G6PC1: variants seen among roughly 807,000 people sequenced by gnomAD.
G6PC1 encodes glucose-6-phosphatase catalytic subunit 1.
A neutral mutation model predicts 30.4 loss-of-function variants in G6PC1; 23 were observed. The ratio of observed to expected loss-of-function variants is 0.76; its 90% CI spans 0.55 to 1.07. G6PC1 has a LOEUF of 1.07. G6PC1 is among the 50% of genes least tolerant of loss of function. G6PC1 has a pLI of 0.00. For missense variants in G6PC1, 391 were observed against 433.9 expected (o/e 0.90, Z 0.88); for synonymous variants, 163 against 175.6 (o/e 0.93, Z 0.57).
Position 42,904,048 on chromosome 17 carries a change from TC to T in G6PC1, c.340+11del. The T allele has an allele frequency of 6.3e-7, 1 of 1,580,006 alleles. No individual in the cohort carries two copies. The highest frequency in any genetic ancestry group is 8.7e-7 in the Non-Finnish European group (1 of 1,148,914). ...CCTGTGAGACTGGACCAGGTAAGCG[TC>T]CCAGCCCCTGCAGACAGAAGCTGAG... On this transcript the variant is annotated intron_variant, in intron 2 of 4. Transcript: ENST00000253801.
chr17:42,911,659 C>A lies in G6PC1; in HGVS notation c.*233C>A. The A allele has an allele frequency of 3.4e-6, 2 of 592,564 alleles. No individual in the cohort carries two copies. The highest frequency in any genetic ancestry group is 5.9e-6 in the Non-Finnish European group (2 of 337,084). 36.7% of individuals were successfully genotyped at this position (592,564 alleles called of 1,614,324 possible). On this transcript the variant is annotated 3_prime_UTR_variant, in exon 5 of 5. Coordinates refer to ENST00000253801, the MANE Select transcript of G6PC1 (RefSeq NM_000151.4). ...AGATGGAGGTGCCATATCACGTACA[C>A]CATATGCAAGTTTCCCGCCAGGAGG...
In G6PC1 at chr17:42,903,968, G is replaced by A; in HGVS notation, c.268G>A (p.Asp90Asn). ...FGQRPYWWVL[D>N]TDYYSNTSVP... ...ACAGCGTCCATACTGGTGGGTTTTGGATACTGACTACTACAGCAACACTTC... is the reference window on the plus strand; with the variant it reads ...ACAGCGTCCATACTGGTGGGTTTTGAATACTGACTACTACAGCAACACTTC... Residue 90 changes from aspartate to asparagine, a missense_variant, in exon 2 of 5, where the codon GAT becomes AAT. Transcript: ENST00000253801. 1 of 1,614,010 alleles carries A rather than the reference G, an allele frequency of 6.2e-7. No individual in the cohort carries two copies. The highest frequency in any genetic ancestry group is 8.5e-7 in the Non-Finnish European group (1 of 1,179,918).
At chr17:42,908,266 C>G (rs749611882) in intron 3 of G6PC1, among the ~76,000 whole-genome samples, 5 of 152,080 alleles carry the variant, frequency 3.3e-5, no homozygotes, top group Admixed American at 6.6e-5. Context: ...TGATCTCAAG[C>G]AATTGGCTTG....
rs201423586 is a variant in G6PC1 at position 42,900,854 on chromosome 17, C to T, written c.-23C>T. ...ACTGCAAGGGCTCTGCTGACATCTTCCTGAGGTGCCAAGGAAATGAGGATG... is the reference window on the plus strand; with the variant it reads ...ACTGCAAGGGCTCTGCTGACATCTTTCTGAGGTGCCAAGGAAATGAGGATG... On this transcript the variant is annotated 5_prime_UTR_variant, in exon 1 of 5. Transcript: ENST00000253801. 6 of 1,597,512 alleles carry T rather than the reference C, an allele frequency of 3.8e-6. No individual in the cohort carries two copies. In the African/African-American group the frequency reaches 8.0e-5, roughly 21 times the overall value.
intron 3 of G6PC1, 76 bp downstream of exon 3, chr17:42,907,704 C>A: frequency 3.0e-6 from 3 of 998,594 alleles, no homozygotes; most frequent in Non-Finnish European, 4.7e-6. Flanking sequence ...ACCACGTATT[C>A]TTCCTCACAT....
At chr17:42,904,428 G>A (rs1274675907) in intron 2 of G6PC1, among the ~76,000 whole-genome samples, 1 of 152,116 alleles carries the variant, frequency 6.6e-6, no homozygotes, top group African/African-American at 2.4e-5. Flanking sequence ...CTGTGCCTAC[G>A]TTTTATTAGT....
Position 42,911,166 on chromosome 17 carries a change from G to T in G6PC1, c.814G>T (p.Gly272Trp). Residue 272 changes from glycine to tryptophan, a missense_variant, in exon 5 of 5, where the codon GGG (glycine) becomes TGG (tryptophan). Gly to Trp is a radical substitution (Grantham distance 184, BLOSUM62 -2). Coordinates refer to ENST00000253801, the MANE Select transcript of G6PC1 (RefSeq NM_000151.4). ...GAACCTGGGCACGCTCTTTGGCCTG[G>T]GGCTGGCTCTCAACTCCAGCATGTA... ...LKNLGTLFGL[G>W]LALNSSMYRE... The T allele has an allele frequency of 6.2e-7, 1 of 1,614,068 alleles. No individual in the cohort carries two copies. Among genetic ancestry groups the T allele is most frequent in the East Asian group, 2.2e-5 (1 of 44,872 alleles).
At chr17:42,904,214 T>C (rs2056044862) in intron 2 of G6PC1, 174 bp downstream of exon 2, 1 of 641,832 alleles carries the variant, frequency 1.6e-6, no homozygotes. Flanking sequence ...CACAGTAGTA[T>C]TGGAAATCTG....
At chr17:42,906,156 G>A (rs2056061038) in intron 2 of G6PC1, among the ~76,000 whole-genome samples, 1 of 151,992 alleles carries the variant, frequency 6.6e-6, no homozygotes, top group Non-Finnish European at 1.5e-5. Context: ...AGGAGGAAGG[G>A]AGGGAGGGAA....
chr17:42,906,204 AG>A (rs2056061384), intron 2 of G6PC1, among the ~76,000 whole-genome samples: 1 of 152,088 alleles, frequency 6.6e-6, no homozygotes, highest in Non-Finnish European at 1.5e-5. Flanking sequence ...CCTGGAAAGC[AG>A]GCTGAAATGG....
intron 2 of G6PC1, among the ~76,000 whole-genome samples, chr17:42,907,011 T>G (rs1460863692): frequency 1.3e-5 from 2 of 152,166 alleles, no homozygotes; most frequent in Non-Finnish European, 2.9e-5. Context: ...GAAGTAAGTT[T>G]CTGGCAGAAG....
chr17:42,902,895 G>C (rs755894152), intron 1 of G6PC1, among the ~76,000 whole-genome samples: 1 of 151,910 alleles, frequency 6.6e-6, no homozygotes, highest in Non-Finnish European at 1.5e-5. Context: ...GGGGGGGCTC[G>C]TCCTAGGGGC....
chr17:42,907,445 G>C (rs1375140025), intron 2 of G6PC1, 78 bp from the exon 3 acceptor site: 1 of 932,594 alleles, frequency 1.1e-6, no homozygotes, highest in Non-Finnish European at 1.7e-6. Context: ...GGGATGGCTG[G>C]GTGGCTGGGT....
rs756696261 is a variant in G6PC1, at chr17:42,900,838, G to T, written c.-39G>T. Reference sequence around the variant, plus strand: ...CACCAAGCCTGGAATAACTGCAAGGGCTCTGCTGACATCTTCCTGAGGTGC... The same window carrying T: ...CACCAAGCCTGGAATAACTGCAAGGTCTCTGCTGACATCTTCCTGAGGTGC... On this transcript the variant is annotated 5_prime_UTR_variant, in exon 1 of 5. Coordinates refer to ENST00000253801, the MANE Select transcript of G6PC1 (RefSeq NM_000151.4). The T allele has an allele frequency of 1.9e-6, 3 of 1,538,676 alleles. No homozygotes were observed. The South Asian group carries it at 3.4e-5, about 17-fold the overall frequency.
rs966575521 is a variant in G6PC1 at position 42,912,953 on chromosome 17, C to T, written c.*1527C>T. Reference sequence around the variant, plus strand: ...AGGACTACCGGCGTGCACCACCATGCCAGGCTAATTTTTATATTTTTAGAA... The same window carrying T: ...AGGACTACCGGCGTGCACCACCATGTCAGGCTAATTTTTATATTTTTAGAA... On this transcript the variant is annotated 3_prime_UTR_variant, in exon 5 of 5. Coordinates refer to ENST00000253801, the MANE Select transcript of G6PC1 (RefSeq NM_000151.4). The T allele has an allele frequency of 8.3e-6, 1 of 120,258 alleles. No homozygotes were observed. The highest frequency in any genetic ancestry group is 1.8e-5 in the Non-Finnish European group (1 of 54,158). 7.4% of individuals were successfully genotyped at this position (120,258 alleles called of 1,614,324 possible). A position where few individuals can be genotyped will look rare whatever the true frequency, so the allele number is the denominator to read the frequency against.
chr17:42,910,953 A>C lies in G6PC1; in HGVS notation c.601A>C (p.Ile201Leu), dbSNP rs2056091225. ...AGAAACTTTCAGCCACATCCACAGCATCTATAATGCCAGCCTCAAGAAATA... is the reference window on the plus strand; with the variant it reads ...AGAAACTTTCAGCCACATCCACAGCCTCTATAATGCCAGCCTCAAGAAATA... ...VAETFSHIHS[I>L]YNASLKKYFL... Residue 201 changes from isoleucine to leucine, a missense_variant, in exon 5 of 5, where the codon ATC becomes CTC. Transcript: ENST00000253801. 1.2e-6 allele frequency: 2 copies of C among 1,614,098 alleles called. No homozygotes were observed. Among genetic ancestry groups the C allele is most frequent in the Non-Finnish European group, 1.7e-6 (2 of 1,180,052 alleles).
rs1312942298 is a variant in G6PC1 at position 42,909,241 on chromosome 17, G to A, written c.447-62G>A. On this transcript the variant is annotated intron_variant, in intron 3 of 4. Coordinates refer to ENST00000253801, the MANE Select transcript of G6PC1 (RefSeq NM_000151.4). ...GCCAGGCTCCAACATTTCTGCAGGG[G>A]CTGTTTTCTTTGCTGAAGGATCTGC... 3.4e-6 allele frequency: 4 copies of A among 1,190,896 alleles called. No individual in the cohort carries two copies. In the African/African-American group the frequency reaches 4.5e-5, roughly 13 times the overall value. 73.8% of individuals were successfully genotyped at this position (1,190,896 alleles called of 1,614,324 possible).
In G6PC1 at chr17:42,911,742, G is replaced by A. The variant is rs371213492; in HGVS notation, c.*316G>A. On this transcript the variant is annotated 3_prime_UTR_variant, in exon 5 of 5. Coordinates refer to ENST00000253801, the MANE Select transcript of G6PC1 (RefSeq NM_000151.4). ...TAGGGAGCTCACTCCCACTGGAACA[G>A]CCCATTTTATCTTTGAATGGTCTTC... 2 of 420,162 alleles carry A rather than the reference G, an allele frequency of 4.8e-6. No homozygotes were observed. Among genetic ancestry groups the A allele is most frequent in the East Asian group, 5.0e-5 (1 of 19,874 alleles). 26.0% of individuals were successfully genotyped at this position (420,162 alleles called of 1,614,324 possible).
intron 1 of G6PC1, among the ~76,000 whole-genome samples, chr17:42,902,537 C>T (rs2056032972): frequency 6.6e-6 from 1 of 152,222 alleles, no homozygotes; most frequent in African/African-American, 2.4e-5. Flanking sequence ...GCGTGAGCCA[C>T]TACACCCAGC....
Sources: gnomAD v4.1 joint callset for allele counts (sites outside exome capture counted in the v4.1 genomes callset) on GRCh38, gnomAD v4.1.1 for gene constraint, MANE v1.5 for transcripts, NCBI Gene and HGNC (gene_info 2026-07-23, HGNC 2026-07-21) for gene names.